The following TMEM117 variants were observed in gnomAD, a reference collection of about 807,000 sequenced individuals.
TMEM117 encodes transmembrane protein 117.
Under a neutral mutation model 52.4 loss-of-function variants are expected in TMEM117, and 27 were observed. The observed-to-expected ratio is 0.51, with a 90% CI of 0.38 to 0.71. The LOEUF (loss-of-function observed/expected upper bound fraction) is 0.71. TMEM117 is among the 30% of genes least tolerant of loss of function. TMEM117 has a pLI of 0.00. For synonymous variants in TMEM117, 215 were observed against 206.3 expected (o/e 1.04, Z -0.36); for missense variants, 556 against 630.5 (o/e 0.88, Z 1.26).
chr12:43,805,667 A>T, the TMEM117 span: 1 of 677,130 alleles, frequency 1.5e-6, no homozygotes, highest in Non-Finnish European at 2.3e-6. Flanking sequence ...ACACGCTTAC[A>T]CTCGAGATTT....
At chr12:44,068,326 T>C (rs558695166) in intron 3 of TMEM117, among the ~76,000 whole-genome samples, 2 of 152,354 alleles carry the variant, frequency 1.3e-5, no homozygotes, top group South Asian at 2.1e-4. Context: ...ACAACTTGGC[T>C]AACTGGTGCT....
intron 3 of TMEM117, among the ~76,000 whole-genome samples, chr12:43,958,461 A>T (rs1436431806): frequency 1.3e-5 from 2 of 152,250 alleles, no homozygotes; most frequent in Non-Finnish European, 2.9e-5. Context: ...TAAGTATTTC[A>T]GAGAGAGAAA....
intron 7 of TMEM117, among the ~76,000 whole-genome samples, chr12:44,383,566 T>A (rs887448629): frequency 6.6e-6 from 1 of 152,162 alleles, no homozygotes; most frequent in African/African-American, 2.4e-5. Context: ...AACAAGGAGA[T>A]TAATAGAAAG....
At chr12:44,044,933 A>G (rs1167934112) in intron 3 of TMEM117, among the ~76,000 whole-genome samples, 1 of 152,242 alleles carries the variant, frequency 6.6e-6, no homozygotes, top group Non-Finnish European at 1.5e-5. Context: ...GGGACTGGGA[A>G]GAAGCATGAC....
intron 6 of TMEM117, among the ~76,000 whole-genome samples, chr12:44,330,477 T>C (rs1182308875): frequency 6.6e-6 from 1 of 152,014 alleles, no homozygotes; most frequent in East Asian, 1.9e-4. Context: ...TTTAACCCAA[T>C]ATTTAACCCA....
At chr12:44,057,893 T>C (rs1176213536) in intron 3 of TMEM117, among the ~76,000 whole-genome samples, 1 of 152,212 alleles carries the variant, frequency 6.6e-6, no homozygotes, top group Non-Finnish European at 1.5e-5. Context: ...ATGGTGTTTA[T>C]GTGTAAAGCA....
At chr12:43,802,714 G>C in the TMEM117 span, among the ~76,000 whole-genome samples, 1 of 152,074 alleles carries the variant, frequency 6.6e-6, no homozygotes. Flanking sequence ...ATATAAAAAT[G>C]ATCATAACAG....
chr12:44,151,111 C>T (rs1012605787), intron 4 of TMEM117, among the ~76,000 whole-genome samples: 2 of 152,080 alleles, frequency 1.3e-5, no homozygotes, highest in Non-Finnish European at 2.9e-5. Flanking sequence ...AATTGAACTA[C>T]ATTAAGATAT....
At chr12:44,392,144 T>C (rs1952164438), downstream of TMEM117, among the ~76,000 whole-genome samples, 1 of 152,174 alleles carries the variant, frequency 6.6e-6, no homozygotes, top group Non-Finnish European at 1.5e-5. Context: ...CCATTTAGAC[T>C]GGCCTAGAAC....
At chr12:43,940,833 T>G (rs1186307683) in intron 2 of TMEM117, among the ~76,000 whole-genome samples, 1 of 152,280 alleles carries the variant, frequency 6.6e-6, no homozygotes, top group East Asian at 1.9e-4. Context: ...CATGAGCCAC[T>G]GCACCTGGCC....
rs201670200 is a variant in TMEM117 at position 44,143,115 on chromosome 12, AT to A, written c.411-408del. On this transcript the variant is annotated intron_variant, in intron 3 of 7. Coordinates refer to ENST00000266534, the MANE Select transcript of TMEM117 (RefSeq NM_032256.3). The stretch of plus-strand genomic sequence containing the variant: ...AAAGCCTAATCCCAGCATTTTTCCA[AT>A]TGTTTTGATTTGATGGAACTGAAGG... 7.4e-3 allele frequency among the ~76,000 whole-genome samples: 1,120 copies of A among 152,198 alleles called. 18 individuals carry two copies. The highest frequency in any genetic ancestry group is 0.026 in the African/African-American group (1,075 of 41,532).
intron 2 of TMEM117, among the ~76,000 whole-genome samples, chr12:43,863,776 G>C (rs1943531458): frequency 6.6e-6 from 1 of 152,178 alleles, no homozygotes; most frequent in African/African-American, 2.4e-5. Context: ...GTGCCTCCTT[G>C]GCCTCAGCGC....
At chr12:43,827,925 G>A in the TMEM117 span, among the ~76,000 whole-genome samples, 2 of 152,176 alleles carry the variant, frequency 1.3e-5, no homozygotes, top group South Asian at 2.1e-4. Context: ...AAGAGAGGAC[G>A]CGTGAAGATG....
intron 3 of TMEM117, among the ~76,000 whole-genome samples, chr12:44,056,452 T>G (rs1041859591): frequency 9.9e-5 from 15 of 152,186 alleles, no homozygotes; most frequent in African/African-American, 3.4e-4. Flanking sequence ...ACTTTTATTT[T>G]AATCTCTTTT....
intron 3 of TMEM117, among the ~76,000 whole-genome samples, chr12:44,050,959 T>C (rs140665785): frequency 6.6e-6 from 1 of 152,336 alleles, no homozygotes; most frequent in East Asian, 1.9e-4. Flanking sequence ...TGCAGCTCCT[T>C]CTAAATGAAA....
chr12:44,193,623 A>G (rs1377897824), intron 4 of TMEM117, among the ~76,000 whole-genome samples: 2 of 152,200 alleles, frequency 1.3e-5, no homozygotes, highest in African/African-American at 4.8e-5. Context: ...CCTTAAATAA[A>G]AAAGGTGCTT....
intron 3 of TMEM117, among the ~76,000 whole-genome samples, chr12:44,086,214 C>CT (rs772258917): frequency 0.026 from 3,221 of 125,352 alleles, 62 homozygotes; most frequent in South Asian, 0.053. Flanking sequence ...GCTTCCAAGT[C>CT]TTTTTTTTTT....
chr12:43,933,762 T>C (rs3925072), intron 2 of TMEM117, among the ~76,000 whole-genome samples: 26,192 of 151,024 alleles, frequency 0.17, 3,455 homozygotes, highest in African/African-American at 0.36. Flanking sequence ...GGGGTTTCAC[T>C]GTGTTGGCCA....
intron 3 of TMEM117, among the ~76,000 whole-genome samples, chr12:44,115,441 A>G (rs1483071785): frequency 1.3e-5 from 2 of 152,224 alleles, no homozygotes; most frequent in Non-Finnish European, 2.9e-5. Flanking sequence ...CATGTACCCT[A>G]GAACTTAAAG....
Sources: gnomAD v4.1 joint callset for allele counts (sites outside exome capture counted in the v4.1 genomes callset) on GRCh38, gnomAD v4.1.1 for gene constraint, MANE v1.5 for transcripts, NCBI Gene and HGNC (gene_info 2026-07-23, HGNC 2026-07-21) for gene names.